Variants in ERCC6 observed in about 807,000 individuals in gnomAD.
The protein encoded by ERCC6 is ERCC excision repair 6, chromatin remodeling factor.
A neutral mutation model predicts 158.7 loss-of-function variants in ERCC6; 116 were observed. That is an observed-to-expected ratio of 0.73 (90% confidence interval 0.63 to 0.85). The LOEUF is 0.85. ERCC6 is among the 40% of genes least tolerant of loss of function. The pLI, the probability that ERCC6 is intolerant of heterozygous loss-of-function variation, is 0.00. For synonymous variants in ERCC6, 678 were observed against 659.3 expected, an observed-to-expected ratio of 1.03 and a Z score of -0.43; for missense variants, 1,698 against 1,799.4, an observed-to-expected ratio of 0.94 and a Z score of 1.02.
At chr10:49,515,192 C>A in intron 5 of ERCC6, 1 of 1,304,304 alleles carries the variant, frequency 7.7e-7, no homozygotes, top group South Asian at 2.6e-5. Context: ...ATTCAAGGAA[C>A]AAAAATTTGA....
chr10:49,531,298 T>C (rs934564467), intron 2 of ERCC6, among the ~76,000 whole-genome samples: 2 of 152,186 alleles, frequency 1.3e-5, no homozygotes, highest in Non-Finnish European at 2.9e-5. Context: ...ATTTTTCTTC[T>C]ACATAAATGG....
intron 4 of ERCC6, among the ~76,000 whole-genome samples, chr10:49,527,458 T>A (rs1837366597): frequency 6.6e-6 from 1 of 152,224 alleles, no homozygotes; most frequent in African/African-American, 2.4e-5. Context: ...GCAGATCACC[T>A]GACGTCAGGA....
intron 8 of ERCC6, among the ~76,000 whole-genome samples, chr10:49,489,759 TTAAA>T (rs1439891467): frequency 6.6e-6 from 1 of 152,212 alleles, no homozygotes; most frequent in East Asian, 1.9e-4. Flanking sequence ...TCCTTAATCA[TTAAA>T]TAAACTTTAC....
chr10:49,515,115 C>T (rs914180449), intron 5 of ERCC6: 2 of 1,087,088 alleles, frequency 1.8e-6, no homozygotes, highest in South Asian at 2.5e-5. Context: ...ACATCTTTAA[C>T]CCATTTATGT....
At chr10:49,508,303 A>G (rs1008573336) in intron 5 of ERCC6, among the ~76,000 whole-genome samples, 2 of 152,216 alleles carry the variant, frequency 1.3e-5, no homozygotes, top group Non-Finnish European at 2.9e-5. Context: ...TTATTGATAT[A>G]TGATGACCAT....
the ERCC6 span, among the ~76,000 whole-genome samples, chr10:49,447,101 A>G: frequency 0.024 from 3,667 of 152,316 alleles, 157 homozygotes; most frequent in African/African-American, 0.082. Flanking sequence ...ACAAAGGAAT[A>G]ACTTTGAAAA....
chr10:49,457,371 G>T lies in ERCC6; in HGVS notation c.*1444C>A, dbSNP rs542218880. 6.6e-6 allele frequency: 1 copy of T among 151,986 alleles called. No homozygotes were observed. The highest frequency in any genetic ancestry group is 1.5e-5 in the Non-Finnish European group (1 of 67,982). The allele number at this position is 151,986 out of a possible 1,614,324, so 9.4% of individuals were successfully genotyped here. A position where few individuals can be genotyped will look rare whatever the true frequency, so the allele number is the denominator to read the frequency against. On this transcript the variant is annotated 3_prime_UTR_variant, in exon 21 of 21. Transcript: ENST00000355832. Reference sequence around the variant, plus strand: ...ACAAGCTATAATCCAAAAAAAACTAGAAAATCCTGACAGGAATCATATAGA... The same window carrying T: ...ACAAGCTATAATCCAAAAAAAACTATAAAATCCTGACAGGAATCATATAGA...
chr10:49,466,677 T>C (rs1426220019), intron 18 of ERCC6, among the ~76,000 whole-genome samples: 1 of 152,224 alleles, frequency 6.6e-6, no homozygotes, highest in East Asian at 1.9e-4. Context: ...CATGACTGTG[T>C]GTTTTCTAGA....
intron 5 of ERCC6, among the ~76,000 whole-genome samples, chr10:49,519,636 G>A (rs189985047): frequency 6.6e-6 from 1 of 152,304 alleles, no homozygotes; most frequent in East Asian, 1.9e-4. Context: ...TCCCTGATCG[G>A]GGTGGGCATG....
At chr10:49,443,645 G>A in the ERCC6 span, among the ~76,000 whole-genome samples, 5 of 152,244 alleles carry the variant, frequency 3.3e-5, no homozygotes, top group Admixed American at 6.5e-5. Flanking sequence ...GCTCCAGTCA[G>A]AAGTGTCCTA....
chr10:49,440,414 C>T, the ERCC6 span, among the ~76,000 whole-genome samples: 4 of 152,240 alleles, frequency 2.6e-5, no homozygotes, highest in Non-Finnish European at 5.9e-5. Context: ...CAATTACCTC[C>T]GCCTGGTCCC....
the ERCC6 span, among the ~76,000 whole-genome samples, chr10:49,440,349 G>A: frequency 9.9e-5 from 15 of 152,166 alleles, no homozygotes; most frequent in African/African-American, 3.6e-4. Context: ...ATCAGATCTC[G>A]TGAGACTTGT....
At chr10:49,516,756 G>A (rs1836982427) in intron 5 of ERCC6, 1 of 1,614,026 alleles carries the variant, frequency 6.2e-7, no homozygotes, top group Non-Finnish European at 8.5e-7. Flanking sequence ...GGGTTGTACA[G>A]TTAGGTCGGC....
chr10:49,499,371 C>T (rs763173935), intron 7 of ERCC6, among the ~76,000 whole-genome samples: 1 of 152,188 alleles, frequency 6.6e-6, no homozygotes, highest in Non-Finnish European at 1.5e-5. Context: ...AAACACTAAA[C>T]TCTGGAGACT....
chr10:49,468,284 C>G (rs977550497), intron 18 of ERCC6, among the ~76,000 whole-genome samples: 1 of 152,222 alleles, frequency 6.6e-6, no homozygotes, highest in Non-Finnish European at 1.5e-5. Flanking sequence ...TGAATGCCAG[C>G]CACCCTGGCC....
chr10:49,534,636 C>T (rs913791839), intron 1 of ERCC6, among the ~76,000 whole-genome samples: 1 of 152,152 alleles, frequency 6.6e-6, no homozygotes, highest in African/African-American at 2.4e-5. Flanking sequence ...TCACATTGTA[C>T]TCCACATACT....
chr10:49,466,292 G>A (rs1850673597), intron 18 of ERCC6, among the ~76,000 whole-genome samples: 1 of 152,176 alleles, frequency 6.6e-6, no homozygotes, highest in South Asian at 2.1e-4. Flanking sequence ...TAGTATAACT[G>A]TTTCTTGCCA....
Position 49,474,158 on chromosome 10 carries a change from G to GC in ERCC6, c.2466_2467insG (p.Pro823AlafsTer2). The GC allele has an allele frequency of 6.2e-7, 1 of 1,614,076 alleles. No individual in the cohort carries two copies. Among genetic ancestry groups the GC allele is most frequent in the Non-Finnish European group, 8.5e-7 (1 of 1,180,008 alleles). ...TGATCTTCTTCTAGTTCATCATCAG[G>GC]AAGACCTTTGAGATTCTTGGGACCT... On this transcript the variant is annotated frameshift_variant, in exon 13 of 21. Coordinates refer to ENST00000355832, the MANE Select transcript of ERCC6 (RefSeq NM_000124.4). LOFTEE classifies it high-confidence loss of function.
At chr10:49,504,537 A>T (rs1851412054) in intron 6 of ERCC6, 1 of 152,178 alleles carries the variant, frequency 6.6e-6, no homozygotes, top group Admixed American at 6.6e-5. Flanking sequence ...TACTACAAAT[A>T]CACAGAAGTA....
Sources: gnomAD v4.1 joint callset for allele counts (sites outside exome capture counted in the v4.1 genomes callset) on GRCh38, gnomAD v4.1.1 for gene constraint, MANE v1.5 for transcripts, NCBI Gene and HGNC (gene_info 2026-07-23, HGNC 2026-07-21) for gene names.